OPCML: variants seen among roughly 807,000 people sequenced by gnomAD.
OPCML encodes opioid binding protein/cell adhesion molecule like.
OPCML carries 13 observed loss-of-function variants against 37.8 expected under a neutral mutation model. That is an observed-to-expected ratio of 0.34 (90% CI 0.22 to 0.55). OPCML has a LOEUF of 0.55. Among genes scored for constraint, OPCML ranks in the 20% least tolerant of loss-of-function variants. The probability of loss-of-function intolerance (pLI) is 0.91; values close to 1 mark genes in which losing one functional copy is unlikely to be tolerated. For synonymous variants in OPCML, 176 were observed against 168.8 expected (o/e 1.04, Z -0.33); for missense variants, 341 against 435.6 (o/e 0.78, Z 1.93).
intron 3 of OPCML, among the ~76,000 whole-genome samples, chr11:132,551,677 G>A (rs4936170): frequency 1.2e-4 from 18 of 151,872 alleles, no homozygotes; most frequent in Admixed American, 3.9e-4. Flanking sequence ...CTGACTCAGC[G>A]CAAGAAGACA....
At chr11:132,560,237 C>T (rs117807564) in intron 3 of OPCML, among the ~76,000 whole-genome samples, 1,977 of 152,272 alleles carry the variant, frequency 0.013, 15 homozygotes, top group Non-Finnish European at 0.02. Context: ...ACTTGGTTAT[C>T]TTTTTCCATT....
chr11:133,003,861 C>T (rs926329356), intron 1 of OPCML: 6 of 985,292 alleles, frequency 6.1e-6, no homozygotes, highest in South Asian at 9.4e-5. Flanking sequence ...TGCCATCCAC[C>T]GTGTGCCCTC....
In OPCML at chr11:133,130,231, C is replaced by T. The variant is rs186022092; in HGVS notation, c.62-187221G>A. 1.5e-3 allele frequency among the ~76,000 whole-genome samples: 227 copies of T among 149,962 alleles called. 1 individual carries two copies. The highest frequency in any genetic ancestry group is 5.0e-3 in the African/African-American group (203 of 40,736). Reference sequence around the variant, plus strand: ...GAAAATACTGAACTCAAATACACAACAATAAAAACTACTGAAAATGAAGCA... The same window carrying T: ...GAAAATACTGAACTCAAATACACAATAATAAAAACTACTGAAAATGAAGCA... On this transcript the variant is annotated intron_variant, in intron 1 of 7. Coordinates refer to ENST00000524381, the MANE Select transcript of OPCML (RefSeq NM_001012393.5).
At chr11:133,040,303 C>A (rs1054590460) in intron 1 of OPCML, among the ~76,000 whole-genome samples, 1 of 152,170 alleles carries the variant, frequency 6.6e-6, no homozygotes, top group Admixed American at 6.5e-5. Flanking sequence ...TCACTCCTAA[C>A]ATTCACCCCA....
intron 1 of OPCML, chr11:133,422,398 T>TATATATATATATATAC: frequency 1.1e-6 from 1 of 948,138 alleles, no homozygotes; most frequent in East Asian, 1.2e-4. Context: ...TATATATGTA[T>TATATATATATATATAC]ATATGCGCCA....
chr11:133,204,890 A>ATGTGTG, intron 1 of OPCML, among the ~76,000 whole-genome samples: 1 of 131,970 alleles, frequency 7.6e-6, no homozygotes, highest in African/African-American at 2.8e-5. Flanking sequence ...ATATATATAT[A>ATGTGTG]TATATATATA....
At chr11:132,938,665 T>C (rs2136660206) in intron 2 of OPCML, among the ~76,000 whole-genome samples, 1 of 151,904 alleles carries the variant, frequency 6.6e-6, no homozygotes, top group South Asian at 2.1e-4. Flanking sequence ...GGCCGTGGAG[T>C]TAGTGAGAGG....
intron 1 of OPCML, among the ~76,000 whole-genome samples, chr11:133,326,053 T>A (rs2136632771): frequency 6.6e-6 from 1 of 152,252 alleles, no homozygotes; most frequent in South Asian, 2.1e-4. Context: ...TTAAGCCTCA[T>A]TTCTTGCTCA....
intron 1 of OPCML, among the ~76,000 whole-genome samples, chr11:133,217,918 T>C (rs1939653368): frequency 1.3e-5 from 2 of 151,996 alleles, no homozygotes; most frequent in Admixed American, 1.3e-4. Context: ...TGGTGGTGCA[T>C]GCCTGTGGTC....
intron 3 of OPCML, among the ~76,000 whole-genome samples, chr11:132,557,988 C>T (rs1299017741): frequency 6.7e-6 from 1 of 150,348 alleles, no homozygotes; most frequent in Non-Finnish European, 1.5e-5. Context: ...AAGGAAGACA[C>T]ACATGCTCAC....
intron 2 of OPCML, among the ~76,000 whole-genome samples, chr11:132,773,734 A>G (rs1404505473): frequency 6.6e-6 from 1 of 152,124 alleles, no homozygotes; most frequent in Non-Finnish European, 1.5e-5. Context: ...CATGTGTTCA[A>G]TTCTCTTTCT....
chr11:133,291,549 T>C (rs979332627), intron 1 of OPCML, among the ~76,000 whole-genome samples: 14 of 152,220 alleles, frequency 9.2e-5, no homozygotes, highest in African/African-American at 3.4e-4. Flanking sequence ...CTGACATGGT[T>C]GCAGGTTCTG....
chr11:132,480,122 A>T, intron 4 of OPCML, among the ~76,000 whole-genome samples: 1 of 152,152 alleles, frequency 6.6e-6, no homozygotes, highest in Non-Finnish European at 1.5e-5. Flanking sequence ...AAACTTTGAA[A>T]AAAATTTAGA....
At chr11:133,049,975 A>C (rs1173476562) in intron 1 of OPCML, among the ~76,000 whole-genome samples, 2 of 152,230 alleles carry the variant, frequency 1.3e-5, no homozygotes, top group Non-Finnish European at 2.9e-5. Context: ...TTTGTAGCTA[A>C]GGTGGAAATC....
At chr11:133,073,162 C>G (rs1219196456) in intron 1 of OPCML, among the ~76,000 whole-genome samples, 1 of 152,196 alleles carries the variant, frequency 6.6e-6, no homozygotes, top group Non-Finnish European at 1.5e-5. Flanking sequence ...CTGCTTCCCC[C>G]ATTAGTCATG....
intron 1 of OPCML, among the ~76,000 whole-genome samples, chr11:133,192,389 A>G (rs892549192): frequency 6.6e-6 from 1 of 152,238 alleles, no homozygotes; most frequent in Non-Finnish European, 1.5e-5. Context: ...GGTCTGGAAG[A>G]GAAACAGATC....
chr11:133,518,501 G>T (rs548629877), intron 1 of OPCML, among the ~76,000 whole-genome samples: 1 of 151,968 alleles, frequency 6.6e-6, no homozygotes, highest in Non-Finnish European at 1.5e-5. Flanking sequence ...AAGTGTGTGC[G>T]GGTGTGGGTG....
rs941781118 is a variant in OPCML at position 132,881,688 on chromosome 11, C to T, written c.146+61238G>A. Among the ~76,000 whole-genome samples, 9 of 152,216 alleles carry T rather than the reference C, an allele frequency of 5.9e-5. No individual in the cohort carries two copies. The South Asian group carries it at 1.2e-3, about 21-fold the overall frequency. On this transcript the variant is annotated intron_variant, in intron 2 of 7. Transcript: ENST00000524381. ...CAAAAAATGGCATGACTAGCTCTCTCATAAAGGATACACCAGTGATTGCAA... is the reference window on the plus strand; with the variant it reads ...CAAAAAATGGCATGACTAGCTCTCTTATAAAGGATACACCAGTGATTGCAA...
intron 2 of OPCML, among the ~76,000 whole-genome samples, chr11:132,669,205 C>T (rs1337260025): frequency 6.6e-6 from 1 of 151,958 alleles, no homozygotes; most frequent in East Asian, 1.9e-4. Context: ...AAACAGGATA[C>T]TGCTCAGTCT....
Sources: allele counts gnomAD v4.1 joint callset (sites outside exome capture counted in the v4.1 genomes callset), GRCh38; gene constraint gnomAD v4.1.1; transcripts MANE v1.5; gene names NCBI Gene and HGNC (gene_info 2026-07-23, HGNC 2026-07-21).